The following DLGAP1 variants were observed in gnomAD, a reference collection of about 807,000 sequenced individuals.
DLGAP1 encodes disks large-associated protein 1.
DLGAP1 carries 11 observed loss-of-function variants against 90.8 expected under a neutral mutation model. The ratio of observed to expected loss-of-function variants is 0.12; its 90% confidence interval spans 0.08 to 0.20. DLGAP1 has a LOEUF of 0.20. DLGAP1 is among the 10% of genes least tolerant of loss of function. DLGAP1 has a pLI of 1.00. For synonymous variants in DLGAP1, 558 were observed against 540.7 expected (o/e 1.03, Z -0.44); for missense variants, 1,050 against 1,333.8 (o/e 0.79, Z 3.31).
intron 1 of DLGAP1, among the ~76,000 whole-genome samples, chr18:4,308,053 C>T (rs1448452670): frequency 6.6e-6 from 1 of 152,142 alleles, no homozygotes; most frequent in African/African-American, 2.4e-5. Flanking sequence ...CTACACTTCA[C>T]ACCTGTCATC....
chr18:3,873,360 C>T (rs886372049), intron 4 of DLGAP1, among the ~76,000 whole-genome samples: 1 of 151,980 alleles, frequency 6.6e-6, no homozygotes, highest in Non-Finnish European at 1.5e-5. Flanking sequence ...TGTGCAAACC[C>T]AATAGGAAAT....
intron 1 of DLGAP1, among the ~76,000 whole-genome samples, chr18:4,153,551 A>G (rs2076708543): frequency 6.6e-6 from 1 of 152,140 alleles, no homozygotes; most frequent in South Asian, 2.1e-4. Context: ...TAACCACCAC[A>G]TAATCAAGAT....
chr18:3,731,571 CTT>C (rs71368708), intron 6 of DLGAP1, among the ~76,000 whole-genome samples: 19 of 132,208 alleles, frequency 1.4e-4, no homozygotes, highest in African/African-American at 2.8e-4. Context: ...CCACGCCTGG[CTT>C]TTTTTTTTTT....
In DLGAP1 at chr18:4,090,857, G is replaced by A. The variant is rs145936753; in HGVS notation, c.-159+60323C>T. The stretch of plus-strand genomic sequence containing the variant: ...GGAATCAATCCAAATGTCCATCAAC[G>A]ATAGACCGGATAAAGAAAATGTGGT... On this transcript the variant is annotated intron_variant, in intron 2 of 12. Transcript: ENST00000315677. 3.4e-4 allele frequency among the ~76,000 whole-genome samples: 51 copies of A among 152,208 alleles called. No homozygotes were observed. In the East Asian group the frequency reaches 9.5e-3, roughly 28 times the overall value.
chr18:3,941,746 C>T (rs535155086), intron 3 of DLGAP1, among the ~76,000 whole-genome samples: 1 of 152,074 alleles, frequency 6.6e-6, no homozygotes, highest in Non-Finnish European at 1.5e-5. Context: ...AGGGTCTTGC[C>T]TTGTCACTCA....
At chr18:3,821,504 A>G (rs1030860291) in intron 4 of DLGAP1, among the ~76,000 whole-genome samples, 9 of 152,184 alleles carry the variant, frequency 5.9e-5, no homozygotes, top group African/African-American at 2.2e-4. Context: ...TTAAAATAAA[A>G]TGTAACCATT....
intron 1 of DLGAP1, among the ~76,000 whole-genome samples, chr18:4,395,988 T>C (rs766026710): frequency 2.0e-5 from 3 of 152,070 alleles, no homozygotes; most frequent in Non-Finnish European, 4.4e-5. Context: ...CCAAGAAATA[T>C]GCACCCTGTA....
At chr18:3,593,119 TC>T (rs1387930252) in intron 7 of DLGAP1, among the ~76,000 whole-genome samples, 2 of 151,160 alleles carry the variant, frequency 1.3e-5, no homozygotes, top group Non-Finnish European at 3.0e-5. Flanking sequence ...TTTGTTTATC[TC>T]CCCCGCCCCC....
chr18:4,056,992 ACTGAC>A, intron 2 of DLGAP1, among the ~76,000 whole-genome samples: 1 of 143,354 alleles, frequency 7.0e-6, no homozygotes, highest in East Asian at 2.1e-4. Flanking sequence ...TTTATTAGCA[ACTGAC>A]CATACATACA....
intron 9 of DLGAP1, among the ~76,000 whole-genome samples, chr18:3,557,022 T>A (rs1471153021): frequency 2.0e-5 from 3 of 152,240 alleles, no homozygotes; most frequent in African/African-American, 7.2e-5. Context: ...TACTGATTAC[T>A]ATTTTCAATT....
At chr18:4,311,023 A>AC in intron 1 of DLGAP1, among the ~76,000 whole-genome samples, 1 of 152,318 alleles carries the variant, frequency 6.6e-6, no homozygotes, top group Non-Finnish European at 1.5e-5. Context: ...CTATGCTTGC[A>AC]TGTAAAGGAT....
At position 3,507,311 on chromosome 18, in the gene DLGAP1, C is replaced by T. The variant is rs193009120; in HGVS notation, c.2571+1259G>A. Among the ~76,000 whole-genome samples, 317 of 144,684 alleles carry T rather than the reference C, an allele frequency of 2.2e-3. 5 individuals carry two copies. The highest frequency in any genetic ancestry group is 2.8e-3 in the Non-Finnish European group (184 of 66,540). The allele number at this position is 144,684 out of a possible 152,430, so 94.9% of individuals were successfully genotyped here. A position where few individuals can be genotyped will look rare whatever the true frequency, so the allele number is the denominator to read the frequency against. Reference sequence around the variant, plus strand: ...CTATCCTGGCTAACACCATGAAAACCCGTCTCTACTAAAACAAAACAAAAC... The same window carrying T: ...CTATCCTGGCTAACACCATGAAAACTCGTCTCTACTAAAACAAAACAAAAC... On this transcript the variant is annotated intron_variant, in intron 11 of 12. Transcript: ENST00000315677.
At chr18:4,415,816 A>G (rs547254960) in intron 1 of DLGAP1, among the ~76,000 whole-genome samples, 50 of 152,314 alleles carry the variant, frequency 3.3e-4, no homozygotes, top group African/African-American at 1.2e-3. Context: ...ATGTCAGGGA[A>G]GAATCTAACA....
At chr18:4,094,961 T>C (rs533321151) in intron 2 of DLGAP1, among the ~76,000 whole-genome samples, 1 of 152,266 alleles carries the variant, frequency 6.6e-6, no homozygotes, top group East Asian at 1.9e-4. Flanking sequence ...TTTAGTAGGA[T>C]TACATTTTAA....
rs1006829130 is a variant in DLGAP1 at position 4,055,697 on chromosome 18, C to T, written c.-158-50496G>A. ...CAGGGAAGTGTAATTCTGTGGTGTA[C>T]CCTGGGAGCGACCTGGCACTGTTTG... On this transcript the variant is annotated intron_variant, in intron 2 of 12. Coordinates refer to ENST00000315677, the MANE Select transcript of DLGAP1 (RefSeq NM_004746.4). 1.1e-4 allele frequency among the ~76,000 whole-genome samples: 17 copies of T among 152,144 alleles called. 2 individuals carry two copies. In the South Asian group the frequency reaches 2.3e-3, roughly 20 times the overall value.
At chr18:4,033,049 A>G (rs2074824292) in intron 2 of DLGAP1, among the ~76,000 whole-genome samples, 1 of 152,238 alleles carries the variant, frequency 6.6e-6, no homozygotes, top group Non-Finnish European at 1.5e-5. Flanking sequence ...TCTTAAATAA[A>G]ATAGTCCTTA....
chr18:4,065,742 C>T (rs7236236), intron 2 of DLGAP1, among the ~76,000 whole-genome samples: 65,826 of 151,782 alleles, frequency 0.43, 15,244 homozygotes, highest in African/African-American at 0.6. Flanking sequence ...AATGGTCATA[C>T]TCTCCAAAGC....
chr18:4,417,343 G>T (rs374387427), intron 1 of DLGAP1, among the ~76,000 whole-genome samples: 5 of 151,690 alleles, frequency 3.3e-5, no homozygotes. Flanking sequence ...ATATATAATG[G>T]GTTTATTATT....
At chr18:4,306,237 T>C (rs956975449) in intron 1 of DLGAP1, among the ~76,000 whole-genome samples, 2 of 152,170 alleles carry the variant, frequency 1.3e-5, no homozygotes, top group African/African-American at 4.8e-5. Flanking sequence ...TTGATTCACA[T>C]GTCAGATCTT....
Sources: gnomAD v4.1 joint callset for allele counts (sites outside exome capture counted in the v4.1 genomes callset) on GRCh38, gnomAD v4.1.1 for gene constraint, MANE v1.5 for transcripts, NCBI Gene and HGNC (gene_info 2026-07-23, HGNC 2026-07-21) for gene names.